The following ASTN2 variants were observed in gnomAD, a reference collection of about 807,000 sequenced individuals.
ASTN2 encodes the protein astrotactin-2.
ASTN2 carries 54 observed loss-of-function variants against 139.8 expected under a neutral mutation model. That is an observed-to-expected ratio of 0.39 (90% CI 0.31 to 0.48). The LOEUF is 0.48. ASTN2 is among the 20% of genes least tolerant of loss of function. The probability of loss-of-function intolerance (pLI) is 0.95; values close to 1 mark genes in which losing one functional copy is unlikely to be tolerated. For missense variants in ASTN2, 1,565 were observed against 1,725.1 expected (o/e 0.91, Z 1.64); for synonymous variants, 756 against 719.5 (o/e 1.05, Z -0.81).
chr9:116,891,488 T>G (rs1833759668), intron 10 of ASTN2, among the ~76,000 whole-genome samples: 1 of 152,234 alleles, frequency 6.6e-6, no homozygotes, highest in Non-Finnish European at 1.5e-5. Flanking sequence ...TTAGCCCAAC[T>G]GTGTAAAGCA....
intron 1 of ASTN2, among the ~76,000 whole-genome samples, chr9:117,357,911 T>C (rs1035682734): frequency 1.3e-4 from 20 of 152,184 alleles, no homozygotes; most frequent in African/African-American, 4.3e-4. Flanking sequence ...GCAAAGATTG[T>C]AGAAACAGCT....
At chr9:116,958,150 C>T (rs1231340110) in intron 10 of ASTN2, among the ~76,000 whole-genome samples, 1 of 152,312 alleles carries the variant, frequency 6.6e-6, no homozygotes, top group East Asian at 1.9e-4. Flanking sequence ...AATTAGTAGG[C>T]TACTTCTAGG....
intron 7 of ASTN2, among the ~76,000 whole-genome samples, chr9:116,989,965 T>C (rs1408115382): frequency 6.6e-6 from 1 of 152,200 alleles, no homozygotes; most frequent in Non-Finnish European, 1.5e-5. Flanking sequence ...GGTCTCTGCT[T>C]CTGTTTTTTC....
At chr9:117,307,098 C>T (rs1458464125) in intron 1 of ASTN2, among the ~76,000 whole-genome samples, 1 of 152,106 alleles carries the variant, frequency 6.6e-6, no homozygotes, top group Non-Finnish European at 1.5e-5. Context: ...ACCTAAAAAC[C>T]CCTGTGAAAA....
intron 1 of ASTN2, among the ~76,000 whole-genome samples, chr9:117,383,502 T>G (rs1349788736): frequency 1.3e-5 from 2 of 151,512 alleles, no homozygotes; most frequent in African/African-American, 4.9e-5. Context: ...AACTTCAATT[T>G]AAAAAGTGTG....
chr9:116,745,657 C>T (rs1322700510), intron 13 of ASTN2, among the ~76,000 whole-genome samples: 1 of 152,156 alleles, frequency 6.6e-6, no homozygotes, highest in African/African-American at 2.4e-5. Flanking sequence ...TAGACACAGT[C>T]CCTAATAGCT....
chr9:116,502,619 A>T (rs1849907689), intron 19 of ASTN2, among the ~76,000 whole-genome samples: 1 of 151,456 alleles, frequency 6.6e-6, no homozygotes, highest in Non-Finnish European at 1.5e-5. Context: ...AGAGAAACAG[A>T]GAAAATCGGG....
chr9:117,166,148 A>G (rs1830665727), intron 3 of ASTN2, among the ~76,000 whole-genome samples: 1 of 152,132 alleles, frequency 6.6e-6, no homozygotes, highest in South Asian at 2.1e-4. Context: ...AATGATGCTG[A>G]TGATAATACC....
In ASTN2 at chr9:116,424,243, C is replaced by T. The variant is rs182261083; in HGVS notation, c.*1608G>A. ...AAAAATAGATAAATAAAGGGAGATT[C>T]CAGTGTTGGTATGTCACCCCCTAAG... On this transcript the variant is annotated 3_prime_UTR_variant, in exon 23 of 23. Transcript: ENST00000313400. 1.2e-3 allele frequency among the ~76,000 whole-genome samples: 182 copies of T among 152,262 alleles called. No individual in the cohort carries two copies. The highest frequency in any genetic ancestry group is 2.1e-3 in the Non-Finnish European group (146 of 68,016).
chr9:116,439,194 A>ATTTTTTTTTTTTTTTT lies in ASTN2; in HGVS notation c.3782+1399_3782+1414dup, dbSNP rs1016270368. Reference sequence around the variant, plus strand: ...GATGTTGTGTTTTCTATTCAAATACATTTTTTTTTTTTTTTTTTTTTTTTG... The same window carrying ATTTTTTTTTTTTTTTT: ...GATGTTGTGTTTTCTATTCAAATACATTTTTTTTTTTTTTTTTTTTTTTTTTTTTTTTTTTTTTTTG... On this transcript the variant is annotated intron_variant, in intron 22 of 22. Coordinates refer to ENST00000313400, the MANE Select transcript of ASTN2 (RefSeq NM_001365068.1). Among the ~76,000 whole-genome samples, 71 of 56,724 alleles carry ATTTTTTTTTTTTTTTT rather than the reference A, an allele frequency of 1.3e-3. 8 individuals are homozygous for ATTTTTTTTTTTTTTTT. Among genetic ancestry groups the ATTTTTTTTTTTTTTTT allele is most frequent in the Middle Eastern group, 0.015 (1 of 66 alleles). The allele number at this position is 56,724 out of a possible 152,430, so 37.2% of individuals were successfully genotyped here.
chr9:117,129,033 A>G (rs991632563), intron 4 of ASTN2, among the ~76,000 whole-genome samples: 7 of 151,892 alleles, frequency 4.6e-5, no homozygotes, highest in African/African-American at 1.2e-4. Flanking sequence ...ACAATTCAAG[A>G]TGATATTTGG....
At chr9:116,745,535 T>C (rs1347932070) in intron 13 of ASTN2, among the ~76,000 whole-genome samples, 1 of 152,206 alleles carries the variant, frequency 6.6e-6, no homozygotes, top group Non-Finnish European at 1.5e-5. Context: ...TAGGTATGAT[T>C]GTTCTCTGCA....
chr9:116,461,923 C>T (rs773600957), intron 20 of ASTN2, among the ~76,000 whole-genome samples: 2 of 152,198 alleles, frequency 1.3e-5, no homozygotes, highest in Non-Finnish European at 2.9e-5. Flanking sequence ...GATCACACAA[C>T]CATGTATTTT....
intron 17 of ASTN2, among the ~76,000 whole-genome samples, chr9:116,631,740 A>T (rs1856754965): frequency 6.6e-6 from 1 of 152,238 alleles, no homozygotes; most frequent in Admixed American, 6.5e-5. Context: ...CAATGTAAAA[A>T]AGGAAAAAAG....
At chr9:116,490,386 C>G (rs988924085) in intron 19 of ASTN2, among the ~76,000 whole-genome samples, 1 of 144,864 alleles carries the variant, frequency 6.9e-6, no homozygotes, top group Admixed American at 7.1e-5. Context: ...TCTTATTTCA[C>G]TTGGGTACTC....
intron 19 of ASTN2, chr9:116,611,141 T>G (rs1855518843): frequency 6.6e-6 from 1 of 151,988 alleles, no homozygotes; most frequent in Non-Finnish European, 1.5e-5. Context: ...CTGAAAAAAC[T>G]CCCAAATATT....
At chr9:116,485,052 A>G (rs1021859185) in intron 20 of ASTN2, among the ~76,000 whole-genome samples, 4 of 152,226 alleles carry the variant, frequency 2.6e-5, no homozygotes, top group Admixed American at 6.5e-5. Context: ...GTTCCCTGTT[A>G]GATGCTGTAT....
At chr9:116,524,417 C>T (rs2119253126) in intron 19 of ASTN2, among the ~76,000 whole-genome samples, 1 of 152,170 alleles carries the variant, frequency 6.6e-6, no homozygotes, top group East Asian at 1.9e-4. Flanking sequence ...GTCAGAGTTC[C>T]CTTCCGTGCA....
chr9:117,181,082 C>G lies in ASTN2; in HGVS notation c.1015+33276G>C, dbSNP rs145294773. 4 of 1,211,368 alleles carry G rather than the reference C, an allele frequency of 3.3e-6. No homozygotes were observed. In the African/African-American group the frequency reaches 5.9e-5, roughly 18 times the overall value. 75.0% of individuals were successfully genotyped at this position (1,211,368 alleles called of 1,614,324 possible). ...ATCTGAAAGGCCTGTTTCCATGGTC[C>G]CTTAAAGCAACCCATACAACAAACA... On this transcript the variant is annotated intron_variant, in intron 3 of 22. Transcript: ENST00000313400.
Sources: allele counts gnomAD v4.1 joint callset (sites outside exome capture counted in the v4.1 genomes callset), GRCh38; gene constraint gnomAD v4.1.1; transcripts MANE v1.5; gene names NCBI Gene and HGNC (gene_info 2026-07-23, HGNC 2026-07-21).